DDX1: variants seen among roughly 807,000 people sequenced by gnomAD.
DDX1 encodes the protein DEAD-box helicase 1.
DDX1 carries 28 observed loss-of-function variants against 108.7 expected under a neutral mutation model. The observed-to-expected ratio is 0.26, with a 90% confidence interval of 0.19 to 0.35. The LOEUF (loss-of-function observed/expected upper bound fraction) is 0.35. Among genes scored for constraint, DDX1 ranks in the 10% least tolerant of loss-of-function variants. DDX1 has a pLI of 1.00. For synonymous variants in DDX1, 295 were observed against 288.9 expected (o/e 1.02, Z -0.21); for missense variants, 710 against 884.5 (o/e 0.80, Z 2.50).
chr2:15,629,695 C>T lies in DDX1; in HGVS notation c.1969C>T (p.Gln657Ter). The T allele has an allele frequency of 6.4e-7, 1 of 1,558,428 alleles. No homozygotes were observed. The highest frequency in any genetic ancestry group is 8.6e-7 in the Non-Finnish European group (1 of 1,160,976). ...CTGTACCATATGGTACAACGAGATGCAGGTAAGACTTCGAGTTAGGCTCAC... is the reference window on the plus strand; with the variant it reads ...CTGTACCATATGGTACAACGAGATGTAGGTAAGACTTCGAGTTAGGCTCAC... Reference protein sequence around the residue: ...GGCTIWYNEMQLLSEIEEHLN... With the variant: ...GGCTIWYNEM Residue 657 changes from glutamine (Q) to a stop codon, truncating the protein, a stop_gained and splice_region_variant, in exon 24 of 26, where the codon CAG becomes TAG. Coordinates refer to ENST00000233084, the MANE Select transcript of DDX1 (RefSeq NM_004939.3). LOFTEE classifies it high-confidence loss of function.
intron 19 of DDX1, among the ~76,000 whole-genome samples, chr2:15,624,891 AG>A (rs1180761825): frequency 2.6e-5 from 4 of 152,176 alleles, no homozygotes; most frequent in Admixed American, 1.3e-4. Flanking sequence ...ACTTTAGCAA[AG>A]GGTCTTGCAG....
chr2:15,623,717 T>G, intron 19 of DDX1, 135 bp downstream of exon 19: 1 of 674,334 alleles, frequency 1.5e-6, no homozygotes. Context: ...TCTATGCTTA[T>G]TCAGTACTTT....
intron 6 of DDX1, among the ~76,000 whole-genome samples, chr2:15,601,514 A>G (rs1665589323): frequency 6.6e-6 from 1 of 152,140 alleles, no homozygotes; most frequent in Non-Finnish European, 1.5e-5. Flanking sequence ...GAACTCGGGG[A>G]AATATGTTTA....
intron 16 of DDX1, 86 bp from the exon 17 acceptor site, chr2:15,620,122 A>C: frequency 8.2e-7 from 1 of 1,226,628 alleles, no homozygotes; most frequent in African/African-American, 1.5e-5. Context: ...CTAGGCTAGC[A>C]CACTTTGTGT....
At chr2:15,626,794 C>T (rs1359403602) in intron 19 of DDX1, among the ~76,000 whole-genome samples, 2 of 152,110 alleles carry the variant, frequency 1.3e-5, no homozygotes, top group African/African-American at 4.8e-5. Flanking sequence ...TGGTACACTG[C>T]TTGATCCACT....
chr2:15,610,798 G>A (rs1448446724), intron 13 of DDX1, among the ~76,000 whole-genome samples: 2 of 151,016 alleles, frequency 1.3e-5, no homozygotes, highest in African/African-American at 2.5e-5. Context: ...TGACTTTACC[G>A]CACTTCAGCA....
At chr2:15,615,348 A>T (rs1008688934) in intron 14 of DDX1, among the ~76,000 whole-genome samples, 11 of 152,234 alleles carry the variant, frequency 7.2e-5, no homozygotes, top group Admixed American at 3.9e-4. Flanking sequence ...GTCTGTCTTC[A>T]TGCCCACTTT....
intron 6 of DDX1, 62 bp downstream of exon 6, chr2:15,599,778 G>T: frequency 8.7e-7 from 1 of 1,146,164 alleles, no homozygotes; most frequent in Non-Finnish European, 1.3e-6. Context: ...AATAATACAT[G>T]AGAACACCAA....
intron 15 of DDX1, among the ~76,000 whole-genome samples, chr2:15,617,765 A>T (rs552763793): frequency 1.3e-5 from 2 of 152,338 alleles, no homozygotes; most frequent in East Asian, 3.9e-4. Context: ...TACAAAATGT[A>T]GACCATCTGG....
At chr2:15,602,209 T>C (rs939795531) in intron 6 of DDX1, among the ~76,000 whole-genome samples, 7 of 152,212 alleles carry the variant, frequency 4.6e-5, no homozygotes, top group African/African-American at 1.7e-4. Context: ...ACATTTGTAT[T>C]GATGGTGCAA....
At chr2:15,596,683 T>G in intron 3 of DDX1, 51 bp from the exon 4 acceptor site, 2 of 1,538,054 alleles carry the variant, frequency 1.3e-6, no homozygotes, top group Non-Finnish European at 1.8e-6. Flanking sequence ...TAGTTTGATT[T>G]CTTTAATAGA....
At chr2:15,630,311 GAA>G (rs1401148964) in intron 25 of DDX1, among the ~76,000 whole-genome samples, 1 of 152,186 alleles carries the variant, frequency 6.6e-6, no homozygotes, top group Non-Finnish European at 1.5e-5. Flanking sequence ...TTATGTGAAT[GAA>G]AGACTTCAGC....
chr2:15,595,483 C>A lies in DDX1; in HGVS notation c.69-7C>A, dbSNP rs1665483181. The A allele has an allele frequency of 1.9e-6, 3 of 1,605,508 alleles. No individual in the cohort carries two copies. Among genetic ancestry groups the A allele is most frequent in the South Asian group, 1.1e-5 (1 of 90,812 alleles). Reference sequence around the variant, plus strand: ...TAACTAAAATTCTTCAAATATGATTCTTTTAGCCTCCCAACTGATATCCAG... The same window carrying A: ...TAACTAAAATTCTTCAAATATGATTATTTTAGCCTCCCAACTGATATCCAG... On this transcript the variant is annotated splice_polypyrimidine_tract_variant and splice_region_variant and intron_variant, in intron 2 of 25. Transcript: ENST00000233084.
chr2:15,621,378 C>G, intron 18 of DDX1: 1 of 356,640 alleles, frequency 2.8e-6, no homozygotes, highest in Non-Finnish European at 5.1e-6. Flanking sequence ...ACAGTCTCAG[C>G]TCAAGGCAAC....
chr2:15,601,542 C>G (rs1469515118), intron 6 of DDX1, among the ~76,000 whole-genome samples: 1 of 152,112 alleles, frequency 6.6e-6, no homozygotes, highest in Non-Finnish European at 1.5e-5. Flanking sequence ...ATTTTTAAAG[C>G]TATTATAAAG....
At chr2:15,625,728 G>A (rs956049845) in intron 19 of DDX1, among the ~76,000 whole-genome samples, 1 of 151,990 alleles carries the variant, frequency 6.6e-6, no homozygotes, top group Non-Finnish European at 1.5e-5. Context: ...GATATAGAAG[G>A]TAACATACAA....
rs566687808 is a variant in DDX1 at position 15,627,171 on chromosome 2, C to T, written c.1686+26C>T. 21 of 1,329,586 alleles carry T rather than the reference C, an allele frequency of 1.6e-5. No individual in the cohort carries two copies. The African/African-American group carries it at 2.9e-4, about 18-fold the overall frequency. The allele number at this position is 1,329,586 out of a possible 1,614,324, so 82.4% of individuals were successfully genotyped here. A position where few individuals can be genotyped will look rare whatever the true frequency, so the allele number is the denominator to read the frequency against. On this transcript the variant is annotated intron_variant, in intron 20 of 25. Coordinates refer to ENST00000233084, the MANE Select transcript of DDX1 (RefSeq NM_004939.3). ...GTACTGATACATAGTTGATTGTTTC[C>T]TTAATACTTAAGAGGGGCATTATAT...
intron 16 of DDX1, among the ~76,000 whole-genome samples, chr2:15,619,591 G>T (rs66599852): frequency 0.22 from 33,444 of 152,142 alleles, 4,958 homozygotes; most frequent in African/African-American, 0.42. Flanking sequence ...TTTTTGTTTG[G>T]TCCCCTCTCA....
At chr2:15,606,409 C>T (rs1665663524) in intron 12 of DDX1, 145 bp downstream of exon 12, 2 of 595,600 alleles carry the variant, frequency 3.4e-6, no homozygotes, top group South Asian at 5.1e-5. Context: ...CAGTAAAATT[C>T]ATTTTTAAAA....
Sources: allele counts gnomAD v4.1 joint callset (sites outside exome capture counted in the v4.1 genomes callset), GRCh38; gene constraint gnomAD v4.1.1; transcripts MANE v1.5; gene names NCBI Gene and HGNC (gene_info 2026-07-23, HGNC 2026-07-21).